The following ATXN7L1 variants were observed in gnomAD, a reference collection of about 807,000 sequenced individuals.
ATXN7L1 encodes the protein ataxin-7-like protein 1.
A neutral mutation model predicts 70.8 loss-of-function variants in ATXN7L1; 15 were observed. The observed-to-expected ratio is 0.21, with a 90% CI of 0.14 to 0.33. The LOEUF (loss-of-function observed/expected upper bound fraction) is 0.33, where lower values mean the gene tolerates loss of function less well. Ranked by LOEUF, ATXN7L1 falls within the 10% of genes least tolerant of loss-of-function variation. The pLI is 1.00. For missense variants in ATXN7L1, 975 were observed against 1,097.1 expected (o/e 0.89, Z 1.57); for synonymous variants, 440 against 445.1 (o/e 0.99, Z 0.14).
intron 2 of ATXN7L1, among the ~76,000 whole-genome samples, chr7:105,803,158 C>A (rs1207567201): frequency 6.6e-6 from 1 of 152,266 alleles, no homozygotes; most frequent in Non-Finnish European, 1.5e-5. Context: ...CAATGCAACA[C>A]ACGGGCTTCA....
intron 4 of ATXN7L1, among the ~76,000 whole-genome samples, chr7:105,649,014 T>C (rs1378129373): frequency 2.0e-5 from 3 of 150,002 alleles, no homozygotes; most frequent in African/African-American, 7.6e-5. Context: ...TTTGCTTAGG[T>C]GACAAACAAG....
At chr7:105,852,039 C>T (rs767642675) in intron 2 of ATXN7L1, among the ~76,000 whole-genome samples, 6 of 152,174 alleles carry the variant, frequency 3.9e-5, no homozygotes, top group Non-Finnish European at 5.9e-5. Flanking sequence ...TTCTATGAGG[C>T]GCTTCCCTGG....
At chr7:105,786,865 C>T (rs142267314) in intron 3 of ATXN7L1, among the ~76,000 whole-genome samples, 1 of 152,224 alleles carries the variant, frequency 6.6e-6, no homozygotes, top group East Asian at 1.9e-4. Flanking sequence ...TTGTTCCGTG[C>T]CTATAACAGC....
At position 105,638,446 on chromosome 7, in the gene ATXN7L1, T is replaced by C. The variant is rs1324913742; in HGVS notation, c.1109A>G (p.Gln370Arg). ...CCCTGAAGACCCTAGCAGAGAATCCTGTGCCGGCCCGGATTGGCTTGGAAG... is the reference window on the plus strand; with the variant it reads ...CCCTGAAGACCCTAGCAGAGAATCCCGTGCCGGCCCGGATTGGCTTGGAAG... Reference protein sequence around the residue: ...EILPSQSGPAQDSLLGSSGSS... With the variant: ...EILPSQSGPARDSLLGSSGSS... The change falls in exon 7 of 12, where the codon CAG becomes CGG. Residue 370 changes from glutamine to arginine, a missense_variant. Transcript: ENST00000419735. 18 of 1,552,404 alleles carry C rather than the reference T, an allele frequency of 1.2e-5. No individual in the cohort carries two copies. The highest frequency in any genetic ancestry group is 1.6e-5 in the Non-Finnish European group (18 of 1,147,150).
At chr7:105,664,575 G>GTGTGTATATATATA in intron 4 of ATXN7L1, among the ~76,000 whole-genome samples, 4 of 131,990 alleles carry the variant, frequency 3.0e-5, no homozygotes, top group African/African-American at 1.1e-4. Context: ...GTATGTGTGT[G>GTGTGTATATATATA]TATATATATA....
In ATXN7L1 at chr7:105,662,077, TCC is replaced by T. The variant is rs1246405019; in HGVS notation, c.578+2987_578+2988del. On this transcript the variant is annotated intron_variant, in intron 4 of 11. Coordinates refer to ENST00000419735, the MANE Select transcript of ATXN7L1 (RefSeq NM_020725.2). ...TTCCTTCCTTCCTTCCTTCCTTCCT[TCC>T]TTCTTTCTTTTCTTTTCTTTTCTTT... is the stretch of plus-strand genomic sequence containing the variant. 4.7e-3 allele frequency among the ~76,000 whole-genome samples: 425 copies of T among 91,328 alleles called. 7 individuals are homozygous for T. Among genetic ancestry groups the T allele is most frequent in the South Asian group, 0.022 (41 of 1,840 alleles). The allele number at this position is 91,328 out of a possible 152,430, so 59.9% of individuals were successfully genotyped here. A position where few individuals can be genotyped will look rare whatever the true frequency, so the allele number is the denominator to read the frequency against.
intron 5 of ATXN7L1, among the ~76,000 whole-genome samples, chr7:105,642,493 C>T (rs531677903): frequency 6.6e-6 from 1 of 152,294 alleles, no homozygotes; most frequent in African/African-American, 2.4e-5. Context: ...CTATGGAAGC[C>T]AGGGCTAGTT....
chr7:105,835,518 C>T (rs1473273549), intron 2 of ATXN7L1, among the ~76,000 whole-genome samples: 1 of 151,940 alleles, frequency 6.6e-6, no homozygotes, highest in East Asian at 1.9e-4. Context: ...TGGGTTGACT[C>T]TTTCAGACCA....
chr7:105,678,450 C>T (rs1029626562), intron 3 of ATXN7L1, among the ~76,000 whole-genome samples: 18 of 152,146 alleles, frequency 1.2e-4, no homozygotes, highest in Non-Finnish European at 2.1e-4. Flanking sequence ...CAGTCGCCTG[C>T]GTTGATTCAG....
rs543768892 is a variant in ATXN7L1, at chr7:105,674,095, C to T, written c.356-8807G>A. ...TTAAAAGATGGCAGGGCTGAGGAGC[C>T]GAGGAGGCGTTCCTTAAGCAAAGGT... On this transcript the variant is annotated intron_variant, in intron 3 of 11. Coordinates refer to ENST00000419735, the MANE Select transcript of ATXN7L1 (RefSeq NM_020725.2). Among the ~76,000 whole-genome samples, 128 of 152,320 alleles carry T rather than the reference C, an allele frequency of 8.4e-4. 1 individual carries two copies. The highest frequency in any genetic ancestry group is 2.8e-3 in the African/African-American group (118 of 41,564).
At chr7:105,809,106 G>C (rs1808045712) in intron 2 of ATXN7L1, among the ~76,000 whole-genome samples, 2 of 152,180 alleles carry the variant, frequency 1.3e-5, no homozygotes, top group Non-Finnish European at 2.9e-5. Context: ...CTTGGAGCAG[G>C]ACAAAGAGCC....
chr7:105,661,027 G>A (rs1426711780), intron 4 of ATXN7L1, among the ~76,000 whole-genome samples: 1 of 152,154 alleles, frequency 6.6e-6, no homozygotes, highest in Non-Finnish European at 1.5e-5. Flanking sequence ...CAATGTCTGT[G>A]TCTTAACTTT....
intron 3 of ATXN7L1, among the ~76,000 whole-genome samples, chr7:105,719,907 G>C (rs1047888672): frequency 2.6e-5 from 4 of 152,208 alleles, no homozygotes; most frequent in Admixed American, 6.5e-5. Flanking sequence ...TTTAAAAGTT[G>C]CAATGCCAGG....
chr7:105,757,450 AATT>A (rs1369566778), intron 3 of ATXN7L1, among the ~76,000 whole-genome samples: 5 of 152,058 alleles, frequency 3.3e-5, no homozygotes, highest in Admixed American at 2.0e-4. Context: ...GGGTATATGC[AATT>A]ATTATGATGT....
intron 2 of ATXN7L1, among the ~76,000 whole-genome samples, chr7:105,874,395 T>G (rs899464198): frequency 6.6e-6 from 1 of 152,164 alleles, no homozygotes; most frequent in Non-Finnish European, 1.5e-5. Flanking sequence ...CTTAGAGATC[T>G]CAAGAGTTTG....
At chr7:105,746,901 G>A (rs778232141) in intron 3 of ATXN7L1, among the ~76,000 whole-genome samples, 50 of 152,334 alleles carry the variant, frequency 3.3e-4, no homozygotes, top group African/African-American at 1.2e-3. Context: ...GTGAATGGGT[G>A]ACTGCGGGCA....
At chr7:105,839,110 T>A (rs1812828358) in intron 2 of ATXN7L1, among the ~76,000 whole-genome samples, 1 of 152,096 alleles carries the variant, frequency 6.6e-6, no homozygotes, top group Non-Finnish European at 1.5e-5. Flanking sequence ...TCTGACACAT[T>A]CAGCTGTGGG....
At chr7:105,780,298 G>T (rs1414432664) in intron 3 of ATXN7L1, among the ~76,000 whole-genome samples, 1 of 152,164 alleles carries the variant, frequency 6.6e-6, no homozygotes, top group African/African-American at 2.4e-5. Flanking sequence ...AGGATGGGGT[G>T]CCAGCCAGGA....
At chr7:105,858,383 G>T (rs1165053985) in intron 2 of ATXN7L1, among the ~76,000 whole-genome samples, 1 of 152,178 alleles carries the variant, frequency 6.6e-6, no homozygotes, top group East Asian at 1.9e-4. Context: ...CTTCTATATT[G>T]AAGAATGTCA....
Sources: gnomAD v4.1 joint callset for allele counts (sites outside exome capture counted in the v4.1 genomes callset) on GRCh38, gnomAD v4.1.1 for gene constraint, MANE v1.5 for transcripts, NCBI Gene and HGNC (gene_info 2026-07-23, HGNC 2026-07-21) for gene names.